The following CDK14 variants were observed in gnomAD, a reference collection of about 807,000 sequenced individuals.
CDK14 encodes cyclin dependent kinase 14.
A neutral mutation model predicts 60.7 loss-of-function variants in CDK14; 34 were observed. That is an observed-to-expected ratio of 0.56 (90% CI 0.43 to 0.75). CDK14 has a LOEUF of 0.75. CDK14 is among the 30% of genes least tolerant of loss of function. The probability of loss-of-function intolerance (pLI) is 0.00; values close to 1 mark genes in which losing one functional copy is unlikely to be tolerated. For synonymous variants in CDK14, 197 were observed against 203.7 expected, an observed-to-expected ratio of 0.97 and a Z score of 0.28; for missense variants, 482 against 564.1, an observed-to-expected ratio of 0.85 and a Z score of 1.47.
intron 5 of CDK14, among the ~76,000 whole-genome samples, chr7:90,825,435 A>G (rs1789688881): frequency 6.6e-6 from 1 of 152,218 alleles, no homozygotes; most frequent in Non-Finnish European, 1.5e-5. Flanking sequence ...TAAAATGCCC[A>G]TGAAAGTCAG....
At chr7:90,973,787 C>G (rs1794993733) in intron 9 of CDK14, among the ~76,000 whole-genome samples, 2 of 151,990 alleles carry the variant, frequency 1.3e-5, no homozygotes, top group African/African-American at 4.8e-5. Flanking sequence ...TCACAGAGAT[C>G]ACATGCTTCA....
rs1242820284 is a variant in CDK14, at chr7:91,087,914, A to G, written c.1154+8434A>G. On this transcript the variant is annotated intron_variant, in intron 12 of 14. Coordinates refer to ENST00000380050, the MANE Select transcript of CDK14 (RefSeq NM_001287135.2). ...TAACAAATAGCGTTGTACATAATTA[A>G]TGCAATACTGTGATTTGTTCTTAGT... Among the ~76,000 whole-genome samples the G allele has an allele frequency of 3.9e-5, 6 of 152,304 alleles. No individual in the cohort carries two copies. In the South Asian group the frequency reaches 1.0e-3, roughly 26 times the overall value.
At chr7:90,752,766 AAGAG>A (rs953232236) in intron 4 of CDK14, among the ~76,000 whole-genome samples, 1 of 152,148 alleles carries the variant, frequency 6.6e-6, no homozygotes, top group Non-Finnish European at 1.5e-5. Context: ...TAATTAAAGG[AAGAG>A]AGAAGATCCA....
chr7:90,833,822 C>G (rs1441041257), intron 5 of CDK14, among the ~76,000 whole-genome samples: 2 of 152,134 alleles, frequency 1.3e-5, no homozygotes, highest in African/African-American at 4.8e-5. Context: ...AAAATAGACC[C>G]AATCATTTTG....
intron 5 of CDK14, among the ~76,000 whole-genome samples, chr7:90,803,733 G>A (rs1178139339): frequency 1.3e-5 from 2 of 152,140 alleles, no homozygotes; most frequent in Admixed American, 1.3e-4. Context: ...AGTCATATTC[G>A]AGTATATGAT....
intron 2 of CDK14, among the ~76,000 whole-genome samples, chr7:90,713,477 G>C (rs376606087): frequency 1.2e-3 from 182 of 151,972 alleles, no homozygotes; most frequent in African/African-American, 4.2e-3. Context: ...CTGTTTTTCT[G>C]TTATGGCCTG....
chr7:90,805,195 T>A (rs760108835), intron 5 of CDK14, among the ~76,000 whole-genome samples: 4 of 152,118 alleles, frequency 2.6e-5, no homozygotes, highest in Non-Finnish European at 5.9e-5. Context: ...AAACTTCTTG[T>A]CATGATAGTA....
intron 6 of CDK14, among the ~76,000 whole-genome samples, chr7:90,875,716 G>A (rs1791535528): frequency 6.6e-6 from 1 of 151,166 alleles, no homozygotes; most frequent in East Asian, 1.9e-4. Flanking sequence ...TTTGAATGTT[G>A]GACCTCCTGG....
chr7:90,692,402 C>T (rs534953322), intron 2 of CDK14, among the ~76,000 whole-genome samples: 2 of 152,234 alleles, frequency 1.3e-5, no homozygotes, highest in East Asian at 1.9e-4. Flanking sequence ...TTTTGAAATT[C>T]TGTTTTTGTG....
intron 3 of CDK14, among the ~76,000 whole-genome samples, chr7:90,739,764 G>A (rs527573169): frequency 6.6e-6 from 1 of 152,294 alleles, no homozygotes; most frequent in African/African-American, 2.4e-5. Context: ...CTCTCATTCT[G>A]ATTTTAAATA....
At chr7:90,838,405 C>T (rs1175922915) in intron 5 of CDK14, among the ~76,000 whole-genome samples, 4 of 151,930 alleles carry the variant, frequency 2.6e-5, no homozygotes, top group Non-Finnish European at 5.9e-5. Flanking sequence ...ATCAGTGCAC[C>T]CTGAAAAAGA....
At chr7:90,776,582 CAGA>C (rs1259517132) in intron 4 of CDK14, among the ~76,000 whole-genome samples, 4 of 152,150 alleles carry the variant, frequency 2.6e-5, no homozygotes, top group Admixed American at 1.3e-4. Flanking sequence ...AGAAAGGTCA[CAGA>C]AGAAGTGCAA....
At chr7:90,817,247 T>G (rs1789387621) in intron 5 of CDK14, among the ~76,000 whole-genome samples, 1 of 152,112 alleles carries the variant, frequency 6.6e-6, no homozygotes, top group Non-Finnish European at 1.5e-5. Context: ...TAAGGGAAAT[T>G]TTAGTATGGG....
rs1244680083 is a variant in CDK14, at chr7:91,081,867, C to T, written c.1154+2387C>T. On this transcript the variant is annotated intron_variant, in intron 12 of 14. Transcript: ENST00000380050. The stretch of plus-strand genomic sequence containing the variant: ...CAAAAGAATAATAGAAAGAAGAAAT[C>T]TTAATTATGCGATTGAGAATAATAA... 2.6e-5 allele frequency among the ~76,000 whole-genome samples: 4 copies of T among 151,772 alleles called. No homozygotes were observed. The East Asian group carries it at 7.7e-4, about 29-fold the overall frequency.
chr7:91,079,093 G>A (rs1798408523), intron 11 of CDK14, among the ~76,000 whole-genome samples: 1 of 152,130 alleles, frequency 6.6e-6, no homozygotes, highest in Non-Finnish European at 1.5e-5. Context: ...GAAATGTGTT[G>A]ATATGCTTTT....
intron 2 of CDK14, among the ~76,000 whole-genome samples, chr7:90,649,312 C>T (rs1450938051): frequency 8.2e-5 from 3 of 36,528 alleles, no homozygotes; most frequent in African/African-American, 4.6e-4. Flanking sequence ...TTCTTTCTTT[C>T]CTTCCTTCCT....
chr7:91,181,358 C>T (rs1801995399), intron 14 of CDK14, among the ~76,000 whole-genome samples: 1 of 152,022 alleles, frequency 6.6e-6, no homozygotes, highest in South Asian at 2.1e-4. Flanking sequence ...CTCTCTCTCC[C>T]ATATTTTCTA....
chr7:90,696,812 G>T (rs183723831), intron 2 of CDK14, among the ~76,000 whole-genome samples: 4 of 152,176 alleles, frequency 2.6e-5, no homozygotes, highest in African/African-American at 7.2e-5. Context: ...GTCTTTATAG[G>T]TTGGGAAGGG....
In CDK14 at chr7:91,118,917, A is replaced by ATC. The variant is rs536021356; in HGVS notation, c.*28+710_*28+711dup. ...CTAGCCATGTCAGCCTGGCCCAGTC[A>ATC]TCACATCACGTGTGCTACGTAGTGA... On this transcript the variant is annotated intron_variant, in intron 14 of 14. Coordinates refer to ENST00000380050, the MANE Select transcript of CDK14 (RefSeq NM_001287135.2). Among the ~76,000 whole-genome samples the ATC allele has an allele frequency of 3.3e-5, 5 of 152,288 alleles. No homozygotes were observed. In the South Asian group the frequency reaches 1.0e-3, roughly 32 times the overall value.
Sources: gnomAD v4.1 joint callset for allele counts (sites outside exome capture counted in the v4.1 genomes callset) on GRCh38, gnomAD v4.1.1 for gene constraint, MANE v1.5 for transcripts, NCBI Gene and HGNC (gene_info 2026-07-23, HGNC 2026-07-21) for gene names.